HTR2A: variants seen among roughly 807,000 people sequenced by gnomAD.
HTR2A encodes the protein 5-HT2 receptor.
A neutral mutation model predicts 31.0 loss-of-function variants in HTR2A; 14 were observed. The observed-to-expected ratio is 0.45, with a 90% confidence interval of 0.30 to 0.71. HTR2A has a LOEUF of 0.71. Ranked by LOEUF, HTR2A falls within the 30% of genes least tolerant of loss-of-function variation. The pLI is 0.09. For synonymous variants in HTR2A, 209 were observed against 225.2 expected, an observed-to-expected ratio of 0.93 and a Z score of 0.64; for missense variants, 442 against 573.3, an observed-to-expected ratio of 0.77 and a Z score of 2.34.
At position 46,837,769 on chromosome 13, in the gene HTR2A, C is replaced by A. The variant is rs181395274; in HGVS notation, c.614-2130G>T. ...GTCACCTCACATTGGCCATCGTGGCCAGGAAAGAACGCTGAGTTGATGTAA... is the reference window on the plus strand; with the variant it reads ...GTCACCTCACATTGGCCATCGTGGCAAGGAAAGAACGCTGAGTTGATGTAA... On this transcript the variant is annotated intron_variant, in intron 3 of 3. Transcript: ENST00000542664. Among the ~76,000 whole-genome samples, 165 of 152,346 alleles carry A rather than the reference C, an allele frequency of 1.1e-3. 1 individual carries two copies. Among genetic ancestry groups the A allele is most frequent in the African/African-American group, 3.9e-3 (162 of 41,572 alleles).
chr13:46,848,585 A>C (rs535410174), intron 3 of HTR2A, among the ~76,000 whole-genome samples: 6 of 152,366 alleles, frequency 3.9e-5, no homozygotes, highest in African/African-American at 1.4e-4. Context: ...CGAGGAACTC[A>C]CAAGGAAGGA....
At chr13:46,869,857 G>A (rs1413730335) in intron 3 of HTR2A, among the ~76,000 whole-genome samples, 5 of 152,116 alleles carry the variant, frequency 3.3e-5, no homozygotes, top group African/African-American at 1.2e-4. Flanking sequence ...TGGAACAGAT[G>A]AATTAAGAGA....
At chr13:46,887,897 C>T (rs1951020211) in intron 3 of HTR2A, among the ~76,000 whole-genome samples, 1 of 148,804 alleles carries the variant, frequency 6.7e-6, no homozygotes, top group Admixed American at 6.7e-5. Flanking sequence ...GGGATCAACA[C>T]ACACTGGGGC....
chr13:46,841,396 A>C (rs1950596018), intron 3 of HTR2A, among the ~76,000 whole-genome samples: 1 of 152,178 alleles, frequency 6.6e-6, no homozygotes, highest in Non-Finnish European at 1.5e-5. Flanking sequence ...CCAGAAAAAT[A>C]GTTCAAAAAT....
intron 3 of HTR2A, among the ~76,000 whole-genome samples, chr13:46,884,596 G>A (rs555242160): frequency 2.5e-4 from 38 of 152,172 alleles, no homozygotes; most frequent in East Asian, 1.4e-3. Flanking sequence ...CCTGGGAGGC[G>A]GAGCTCGCAG....
At chr13:46,859,693 G>A (rs1950765875) in intron 3 of HTR2A, among the ~76,000 whole-genome samples, 1 of 152,114 alleles carries the variant, frequency 6.6e-6, no homozygotes, top group South Asian at 2.1e-4. Context: ...ATGATTGAAA[G>A]TTTCCCGAGG....
At chr13:46,897,254 G>A (rs1026918181), upstream of HTR2A, among the ~76,000 whole-genome samples, 1 of 152,188 alleles carries the variant, frequency 6.6e-6, no homozygotes, top group Non-Finnish European at 1.5e-5. Context: ...GTAGGTAAGT[G>A]GCACTGTGGT....
At chr13:46,836,834 C>G (rs1242006478) in intron 3 of HTR2A, among the ~76,000 whole-genome samples, 1 of 152,174 alleles carries the variant, frequency 6.6e-6, no homozygotes, top group African/African-American at 2.4e-5. Context: ...ACCATTCTCA[C>G]TCCTAAATAG....
At chr13:46,875,344 A>G (rs960879405) in intron 3 of HTR2A, among the ~76,000 whole-genome samples, 2 of 152,210 alleles carry the variant, frequency 1.3e-5, no homozygotes, top group African/African-American at 4.8e-5. Flanking sequence ...AGACCTTTTA[A>G]AAAGTGGAGA....
intron 3 of HTR2A, among the ~76,000 whole-genome samples, chr13:46,860,778 A>G (rs912987531): frequency 2.0e-4 from 31 of 152,344 alleles, no homozygotes; most frequent in African/African-American, 7.2e-4. Flanking sequence ...TTACTGAAAT[A>G]ATGAAATTTG....
At chr13:46,850,232 T>G (rs978752909) in intron 3 of HTR2A, among the ~76,000 whole-genome samples, 5 of 152,186 alleles carry the variant, frequency 3.3e-5, no homozygotes, top group Non-Finnish European at 5.9e-5. Context: ...GGGAGGACTA[T>G]GTCATGGTGG....
At chr13:46,897,583 T>G (rs17289304), upstream of HTR2A, among the ~76,000 whole-genome samples, 17,994 of 152,226 alleles carry the variant, frequency 0.12, 1,182 homozygotes, top group African/African-American at 0.18. Context: ...AGTACCAATT[T>G]TTTTCCCCCA....
At chr13:46,892,033 C>T (rs780874247) in intron 3 of HTR2A, among the ~76,000 whole-genome samples, 25 of 152,186 alleles carry the variant, frequency 1.6e-4, no homozygotes, top group Non-Finnish European at 3.4e-4. Flanking sequence ...TGCATCCTTA[C>T]GTTGATCATA....
At chr13:46,845,978 A>C (rs978244999) in intron 3 of HTR2A, among the ~76,000 whole-genome samples, 8 of 152,220 alleles carry the variant, frequency 5.3e-5, no homozygotes, top group African/African-American at 1.7e-4. Flanking sequence ...TACCATTGTT[A>C]TAATTGTCTA....
intron 3 of HTR2A, among the ~76,000 whole-genome samples, chr13:46,862,730 G>A (rs1950790233): frequency 6.6e-6 from 1 of 152,174 alleles, no homozygotes; most frequent in Non-Finnish European, 1.5e-5. Context: ...TAGATAGCTT[G>A]TAATATGTCT....
At chr13:46,887,306 C>T (rs1951014387) in intron 3 of HTR2A, among the ~76,000 whole-genome samples, 1 of 151,400 alleles carries the variant, frequency 6.6e-6, no homozygotes, top group African/African-American at 2.4e-5. Flanking sequence ...GCCTGTAGTC[C>T]CAGCTACTTG....
intron 3 of HTR2A, among the ~76,000 whole-genome samples, chr13:46,886,179 A>G (rs1035846872): frequency 1.3e-5 from 2 of 152,162 alleles, no homozygotes; most frequent in African/African-American, 4.8e-5. Context: ...ATTGGGACTC[A>G]GGGTAATGAG....
chr13:46,835,681 A>C (rs749623586), intron 3 of HTR2A, 42 bp from the exon 4 acceptor site: 1 of 1,438,274 alleles, frequency 7.0e-7, no homozygotes, highest in South Asian at 1.3e-5. Flanking sequence ...TTAAGGAATT[A>C]AGTATATGAA....
At chr13:46,885,406 G>C (rs1055810116) in intron 3 of HTR2A, among the ~76,000 whole-genome samples, 1 of 151,068 alleles carries the variant, frequency 6.6e-6, no homozygotes, top group Non-Finnish European at 1.5e-5. Context: ...ATTTCAGACT[G>C]TGGTTAACTG....
Sources: gnomAD v4.1 joint callset for allele counts (sites outside exome capture counted in the v4.1 genomes callset) on GRCh38, gnomAD v4.1.1 for gene constraint, MANE v1.5 for transcripts, NCBI Gene and HGNC (gene_info 2026-07-23, HGNC 2026-07-21) for gene names.